The following GAN variants were observed in gnomAD, a reference collection of about 807,000 sequenced individuals.
GAN encodes epididymis secretory sperm binding protein.
GAN carries 48 observed loss-of-function variants against 71.3 expected under a neutral mutation model. That is an observed-to-expected ratio of 0.67 (90% CI 0.53 to 0.86). The LOEUF (loss-of-function observed/expected upper bound fraction) is 0.86. Among genes scored for constraint, GAN ranks in the 40% least tolerant of loss-of-function variants. GAN has a pLI of 0.00. For synonymous variants in GAN, 386 were observed against 276.8 expected (o/e 1.39, Z -3.92); for missense variants, 928 against 770.1 (o/e 1.21, Z -2.43).
chr16:81,376,738 TGTG>T (rs1288033754), intron 9 of GAN, among the ~76,000 whole-genome samples: 2 of 151,926 alleles, frequency 1.3e-5, no homozygotes, highest in Non-Finnish European at 2.9e-5. Flanking sequence ...ATTAGCTGAA[TGTG>T]GTGGTGCACA....
intron 1 of GAN, among the ~76,000 whole-genome samples, chr16:81,322,594 G>C (rs574077485): frequency 3.3e-5 from 5 of 152,180 alleles, no homozygotes; most frequent in Non-Finnish European, 5.9e-5. Context: ...TAGATATTTT[G>C]TGGTTCTCTC....
At chr16:81,352,610 T>G (rs780261807) in intron 2 of GAN, among the ~76,000 whole-genome samples, 4 of 152,362 alleles carry the variant, frequency 2.6e-5, no homozygotes, top group Non-Finnish European at 5.9e-5. Flanking sequence ...ACATATTTTC[T>G]AAGTATTCTG....
At chr16:81,362,475 T>A in intron 5 of GAN, 24 bp from the exon 6 acceptor site, 1 of 1,226,132 alleles carries the variant, frequency 8.2e-7, no homozygotes, top group East Asian at 2.3e-5. Context: ...CATTTCATAT[T>A]TGTGTTTCCT....
chr16:81,315,039 GGACTCGGGCC>G lies in GAN; in HGVS notation c.-73_-64del. 1 of 1,212,944 alleles carries G rather than the reference GGACTCGGGCC, an allele frequency of 8.2e-7. No individual in the cohort carries two copies. 75.1% of individuals were successfully genotyped at this position (1,212,944 alleles called of 1,614,324 possible). A position where few individuals can be genotyped will look rare whatever the true frequency, so the allele number is the denominator to read the frequency against. On this transcript the variant is annotated 5_prime_UTR_variant, in exon 1 of 11. Transcript: ENST00000648994. ...GCCGGGCCGGGCGGGCGCGCGCGCA[GGACTCGGGCC>G]GCTCGAGGGGTCCGGCCGGACGGTG... is the stretch of plus-strand genomic sequence containing the variant.
At chr16:81,367,515 C>G (rs981120397) in intron 9 of GAN, among the ~76,000 whole-genome samples, 1 of 152,068 alleles carries the variant, frequency 6.6e-6, no homozygotes, top group African/African-American at 2.4e-5. Flanking sequence ...GGCAACAAAG[C>G]GAGACCCTGT....
intron 6 of GAN, among the ~76,000 whole-genome samples, chr16:81,363,408 G>C (rs972067585): frequency 2.0e-5 from 3 of 152,204 alleles, no homozygotes; most frequent in Admixed American, 6.5e-5. Flanking sequence ...AGGGAAGCCA[G>C]AAATCTTTAA....
intron 1 of GAN, among the ~76,000 whole-genome samples, chr16:81,343,508 G>A (rs1459734968): frequency 1.3e-5 from 2 of 152,122 alleles, no homozygotes; most frequent in Admixed American, 6.5e-5. Flanking sequence ...CAGAACCAAC[G>A]ACAAAAACCA....
In GAN at chr16:81,315,141, C is replaced by T. The variant is rs1005605682; in HGVS notation, c.28C>T (p.Pro10Ser). 6 of 1,535,982 alleles carry T rather than the reference C, an allele frequency of 3.9e-6. No homozygotes were observed. Among genetic ancestry groups the T allele is most frequent in the African/African-American group, 1.4e-5 (1 of 70,146 alleles). ...GGCTGAGGGCAGTGCCGTGTCTGAC[C>T]CTCAGCACGCCGCGCGTCTGCTGCG... MAEGSAVSD[P>S]QHAARLLRAL... Residue 10 changes from proline to serine, a missense_variant, in exon 1 of 11, where the codon CCT (proline) becomes TCT (serine). Coordinates refer to ENST00000648994, the MANE Select transcript of GAN (RefSeq NM_022041.4).
intron 1 of GAN, among the ~76,000 whole-genome samples, chr16:81,316,679 T>TA (rs535080148): frequency 1.3e-5 from 2 of 152,336 alleles, no homozygotes; most frequent in South Asian, 4.1e-4. Flanking sequence ...GCATTATTGT[T>TA]ATAGTTCTTT....
At position 81,315,195 on chromosome 16, in the gene GAN, C is replaced by T; in HGVS notation, c.82C>T (p.Arg28Cys). 1 of 1,577,268 alleles carries T rather than the reference C, an allele frequency of 6.3e-7. No homozygotes were observed. The highest frequency in any genetic ancestry group is 8.6e-7 in the Non-Finnish European group (1 of 1,164,060). Residue 28 changes from arginine (R) to cysteine (C), a missense_variant, in exon 1 of 11, where the codon CGC becomes TGC. Coordinates refer to ENST00000648994, the MANE Select transcript of GAN (RefSeq NM_022041.4). ...GCTCAGCTCTTTCCGCGAGGAGTCT[C>T]GCTTCTGCGACGCGCACCTGGTCCT... ...RALSSFREES[R>C]FCDAHLVLDG... is the part of the protein sequence containing the mutation.
intron 5 of GAN, among the ~76,000 whole-genome samples, chr16:81,359,790 T>C (rs776201163): frequency 4.6e-5 from 7 of 152,186 alleles, no homozygotes; most frequent in Admixed American, 2.0e-4. Flanking sequence ...CATGATAAAG[T>C]TTAAGTTCAG....
intron 9 of GAN, among the ~76,000 whole-genome samples, chr16:81,369,582 A>G (rs1323330547): frequency 6.6e-6 from 1 of 152,082 alleles, no homozygotes; most frequent in African/African-American, 2.4e-5. Context: ...ATTCTACATT[A>G]CTCATGGTAG....
intron 1 of GAN, among the ~76,000 whole-genome samples, chr16:81,343,783 G>T (rs949583528): frequency 2.6e-5 from 4 of 152,200 alleles, no homozygotes; most frequent in African/African-American, 9.7e-5. Context: ...TCAGGCAAGA[G>T]AAAGCAATAA....
Position 81,386,472 on chromosome 16 carries a change from AAAG to A in GAN, c.*8880_*8882del, listed in dbSNP as rs1904404514. The A allele has an allele frequency of 6.6e-6, 1 of 152,222 alleles. No individual in the cohort carries two copies. The highest frequency in any genetic ancestry group is 1.5e-5 in the Non-Finnish European group (1 of 68,042). 9.4% of individuals were successfully genotyped at this position (152,222 alleles called of 1,614,324 possible). ...GTGTGGAACTTTTGTACCTTTGCATAAAGAAGGTTATTTAACAAAGTGGTACAA... is the reference window on the plus strand; with the variant it reads ...GTGTGGAACTTTTGTACCTTTGCATAAAGGTTATTTAACAAAGTGGTACAA... On this transcript the variant is annotated 3_prime_UTR_variant, in exon 11 of 11. Coordinates refer to ENST00000648994, the MANE Select transcript of GAN (RefSeq NM_022041.4).
intron 1 of GAN, among the ~76,000 whole-genome samples, chr16:81,322,104 G>A (rs1161395905): frequency 6.6e-6 from 1 of 152,176 alleles, no homozygotes; most frequent in Non-Finnish European, 1.5e-5. Context: ...ATGGTCAGAT[G>A]TTTGCTGCAT....
intron 5 of GAN, among the ~76,000 whole-genome samples, chr16:81,361,708 T>C (rs1003035305): frequency 6.6e-6 from 1 of 152,256 alleles, no homozygotes; most frequent in Non-Finnish European, 1.5e-5. Flanking sequence ...ATTGTTGTTA[T>C]TTTTGAAACA....
chr16:81,354,877 T>G lies in GAN; in HGVS notation c.633+122T>G, dbSNP rs185187684. On this transcript the variant is annotated intron_variant, in intron 3 of 10. Transcript: ENST00000648994. ...ACGATGCAGCAATCTAAAAGATACC[T>G]GTAAAACATGTTCCCCTATATCATG... The G allele has an allele frequency of 4.4e-5, 29 of 660,984 alleles. No homozygotes were observed. The East Asian group carries it at 7.9e-4, about 18-fold the overall frequency. The allele number at this position is 660,984 out of a possible 1,614,324, so 40.9% of individuals were successfully genotyped here. A position where few individuals can be genotyped will look rare whatever the true frequency, so the allele number is the denominator to read the frequency against.
In GAN at chr16:81,362,537, A is replaced by G. The variant is rs1181977802; in HGVS notation, c.1012A>G (p.Lys338Glu). ...TGTATTCGGGGGCCAAGATGAAAAT[A>G]AGCAGACTCTTAGCTCAGGAGAAAA... ...LFVFGGQDEN[K>E]QTLSSGEKYD... The change falls in exon 6 of 11, where the codon AAG becomes GAG. Residue 338 changes from lysine (K) to glutamate (E), a missense_variant. Coordinates refer to ENST00000648994, the MANE Select transcript of GAN (RefSeq NM_022041.4). 5.0e-6 allele frequency: 8 copies of G among 1,610,046 alleles called. No homozygotes were observed. Among genetic ancestry groups the G allele is most frequent in the Non-Finnish European group, 6.8e-6 (8 of 1,176,232 alleles).
chr16:81,371,400 G>T (rs557893529), intron 9 of GAN, among the ~76,000 whole-genome samples: 1 of 152,222 alleles, frequency 6.6e-6, no homozygotes, highest in East Asian at 1.9e-4. Flanking sequence ...CCTGGATATG[G>T]TTACTATTAT....
Sources: allele counts gnomAD v4.1 joint callset (sites outside exome capture counted in the v4.1 genomes callset), GRCh38; gene constraint gnomAD v4.1.1; transcripts MANE v1.5; gene names NCBI Gene and HGNC (gene_info 2026-07-23, HGNC 2026-07-21).